The following DCLRE1C variants were observed in gnomAD, a reference collection of about 807,000 sequenced individuals.
DCLRE1C encodes protein artemis.
In DCLRE1C, 47 loss-of-function variants were observed where a neutral mutation model predicts 61.4. The ratio of observed to expected loss-of-function variants is 0.77; its 90% CI spans 0.61 to 0.98. The LOEUF (loss-of-function observed/expected upper bound fraction) is 0.98, where lower values mean the gene tolerates loss of function less well. DCLRE1C is among the 50% of genes least tolerant of loss of function. The pLI is 0.00. For missense variants in DCLRE1C, 858 were observed against 816.0 expected (o/e 1.05, Z -0.63); for synonymous variants, 337 against 287.6 (o/e 1.17, Z -1.74).
chr10:14,954,023 C>G lies in DCLRE1C; in HGVS notation c.-13G>C. On this transcript the variant is annotated 5_prime_UTR_variant, in exon 1 of 14. Coordinates refer to ENST00000378278, the MANE Select transcript of DCLRE1C (RefSeq NM_001033855.3). ...CGAAAGAACTCATAGCGCCGCCGAT[C>G]CCAGAGTCCGGGACCCCAAAACCGC... 6.2e-7 allele frequency: 1 copy of G among 1,613,888 alleles called. No individual in the cohort carries two copies. Among genetic ancestry groups the G allele is most frequent in the Non-Finnish European group, 8.5e-7 (1 of 1,179,894 alleles).
In DCLRE1C at chr10:14,936,567, T is replaced by C; in HGVS notation, c.333A>G (p.Leu111=). ...CTGATCCCGGACAGTGACCAGCTGG[T>C]AAGAGAGTCACAACAATCTCTTCCT... ...GEKEEIVVTL[L]PAGHCPGSVM... The change falls in exon 5 of 14, where the codon TTA becomes TTG. Residue 111 remains leucine (L), a synonymous_variant. Coordinates refer to ENST00000378278, the MANE Select transcript of DCLRE1C (RefSeq NM_001033855.3). The C allele has an allele frequency of 6.2e-7, 1 of 1,613,066 alleles. No individual in the cohort carries two copies. The highest frequency in any genetic ancestry group is 2.2e-5 in the East Asian group (1 of 44,868).
intron 8 of DCLRE1C, 96 bp downstream of exon 8, chr10:14,934,284 C>T (rs1242568875): frequency 1.2e-5 from 19 of 1,537,370 alleles, no homozygotes; most frequent in South Asian, 1.1e-4. Context: ...GCCGAGGTCG[C>T]GTCACTACAC....
At chr10:14,921,298 T>C (rs889184624) in intron 12 of DCLRE1C, among the ~76,000 whole-genome samples, 2 of 151,526 alleles carry the variant, frequency 1.3e-5, no homozygotes, top group African/African-American at 2.4e-5. Context: ...CCAACCTGGG[T>C]GACAGAGCGA....
In DCLRE1C at chr10:14,908,720, A is replaced by C. The variant is rs1197140206; in HGVS notation, c.1767T>G (p.Ser589=). 4 of 1,614,076 alleles carry C rather than the reference A, an allele frequency of 2.5e-6. No homozygotes were observed. The African/African-American group carries it at 5.3e-5, about 22-fold the overall frequency. The change falls in exon 14 of 14, where the codon TCT becomes TCG. Residue 589 remains serine (S), a synonymous_variant. Transcript: ENST00000378278. ...RPTIKENIPA[S]LMEQNVICPK... ...GGCAAATTACATTTTGTTCCATGAGAGAGGCAGGAATATTCTCTTTGATTG... is the reference window on the plus strand; with the variant it reads ...GGCAAATTACATTTTGTTCCATGAGCGAGGCAGGAATATTCTCTTTGATTG...
chr10:14,902,601 A>G (rs1486005310), downstream of DCLRE1C: 4 of 791,196 alleles, frequency 5.1e-6, no homozygotes, highest in Non-Finnish European at 7.7e-6. Context: ...TCTTATTATC[A>G]AGGTTCTACC....
chr10:14,947,966 A>G (rs1348494632), intron 2 of DCLRE1C, among the ~76,000 whole-genome samples: 1 of 152,158 alleles, frequency 6.6e-6, no homozygotes, highest in African/African-American at 2.4e-5. Flanking sequence ...GGCTGAGGCA[A>G]AAGAATCACT....
rs1675524122 is a variant in DCLRE1C at position 14,933,039 on chromosome 10, C to G, written c.679-84G>C. On this transcript the variant is annotated intron_variant, in intron 8 of 13. Coordinates refer to ENST00000378278, the MANE Select transcript of DCLRE1C (RefSeq NM_001033855.3). ...AAGGTTAATTACTCAGGGCAAAACA[C>G]CCAGTTAGTGAATTAACCCTCTCTT... is the stretch of plus-strand genomic sequence containing the variant. The G allele has an allele frequency of 2.1e-6, 3 of 1,447,976 alleles. No homozygotes were observed. The Admixed American group carries it at 5.2e-5, about 25-fold the overall frequency. 89.7% of individuals were successfully genotyped at this position (1,447,976 alleles called of 1,614,324 possible).
chr10:14,944,764 T>C (rs942732462), intron 3 of DCLRE1C, among the ~76,000 whole-genome samples: 1 of 150,238 alleles, frequency 6.7e-6, no homozygotes, highest in African/African-American at 2.4e-5. Context: ...AACCATTGCT[T>C]CCTGGGTTCA....
Position 14,922,977 on chromosome 10 carries a change from T to C in DCLRE1C, c.1061+4A>G, listed in dbSNP as rs766969985. ...ACCAAGTCCCACAACCAGTGACTAC[T>C]CACATTTCGACAACTTTATCCATAG... On this transcript the variant is annotated splice_donor_region_variant and intron_variant, in intron 12 of 13. Coordinates refer to ENST00000378278, the MANE Select transcript of DCLRE1C (RefSeq NM_001033855.3). 6.2e-7 allele frequency: 1 copy of C among 1,611,702 alleles called. No homozygotes were observed. Among genetic ancestry groups the C allele is most frequent in the South Asian group, 1.1e-5 (1 of 91,014 alleles).
chr10:14,899,278 C>CCA lies in DCLRE1C; in HGVS notation c.1189_1190dup (p.Trp397CysfsTer11). 2 of 702,264 alleles carry CCA rather than the reference C, an allele frequency of 2.8e-6. No homozygotes were observed. Among genetic ancestry groups the CCA allele is most frequent in the Non-Finnish European group, 5.2e-6 (2 of 385,080 alleles). 43.5% of individuals were successfully genotyped at this position (702,264 alleles called of 1,614,324 possible). On this transcript the variant is annotated frameshift_variant, in exon 14 of 14. Transcript: ENST00000378289. LOFTEE classifies it high-confidence loss of function. Reference sequence around the variant, plus strand: ...AAGGATACAGGGAGTCATGATGGCACCACCGCATTCTAGCCTGAGTGACAG... The same window carrying CCA: ...AAGGATACAGGGAGTCATGATGGCACCACACCGCATTCTAGCCTGAGTGACAG...
At chr10:14,911,729 CTT>C (rs1040047366) in intron 13 of DCLRE1C, among the ~76,000 whole-genome samples, 3 of 152,144 alleles carry the variant, frequency 2.0e-5, no homozygotes, top group African/African-American at 7.2e-5. Context: ...TGATACCAGA[CTT>C]TAACTCTTAC....
Position 14,936,542 on chromosome 10 carries a change from C to T in DCLRE1C, c.358G>A (p.Val120Ile). 6.2e-7 allele frequency: 1 copy of T among 1,612,258 alleles called. No individual in the cohort carries two copies. The highest frequency in any genetic ancestry group is 8.5e-7 in the Non-Finnish European group (1 of 1,178,432). ...LLPAGHCPGS[V>I]MFLFQGNNGT... Reference sequence around the variant, plus strand: ...CAAAATAAATGACCCCCTTACATAACTGATCCCGGACAGTGACCAGCTGGT... The same window carrying T: ...CAAAATAAATGACCCCCTTACATAATTGATCCCGGACAGTGACCAGCTGGT... Residue 120 changes from valine (V) to isoleucine (I), a missense_variant, in exon 5 of 14, where the codon GTT becomes ATT. Physicochemically the swap from Val to Ile is conservative, Grantham distance 29. This residue lies in a region of DCLRE1C where 843 missense variants were observed against 783.5 expected (regional missense o/e 1.08). Coordinates refer to ENST00000378278, the MANE Select transcript of DCLRE1C (RefSeq NM_001033855.3).
intron 3 of DCLRE1C, among the ~76,000 whole-genome samples, chr10:14,941,373 C>G (rs1179606985): frequency 5.6e-4 from 85 of 152,270 alleles, no homozygotes; most frequent in African/African-American, 2.0e-3. Context: ...TAACCTCAAA[C>G]TTCGGGGCTC....
chr10:14,898,867 TAA>T (rs1442320393), exon 14 of DCLRE1C: 1 of 214,190 alleles, frequency 4.7e-6, no homozygotes, highest in Non-Finnish European at 9.1e-6. Context: ...TGCATATATA[TAA>T]GTTATAGGAA....
rs1463885966 is a variant in DCLRE1C at position 14,905,127 on chromosome 10, A to G, written c.*3281T>C. 6.6e-6 allele frequency among the ~76,000 whole-genome samples: 1 copy of G among 152,276 alleles called. No individual in the cohort carries two copies. The highest frequency in any genetic ancestry group is 1.5e-5 in the Non-Finnish European group (1 of 68,052). ...GCAGAAAAATACTGATGTATTGACTACGTGCTAGCAAGATTAACCGAAGGT... is the reference window on the plus strand; with the variant it reads ...GCAGAAAAATACTGATGTATTGACTGCGTGCTAGCAAGATTAACCGAAGGT... On this transcript the variant is annotated 3_prime_UTR_variant, in exon 14 of 14. Transcript: ENST00000378278.
Position 14,908,377 on chromosome 10 carries a change from T to C in DCLRE1C, c.*31A>G, listed in dbSNP as rs372820260. ...TGTCATCTCTGTGCAGGTTTTTTAGTGGTTGCTCTAGGTTGAAACGCTTTG... is the reference window on the plus strand; with the variant it reads ...TGTCATCTCTGTGCAGGTTTTTTAGCGGTTGCTCTAGGTTGAAACGCTTTG... On this transcript the variant is annotated 3_prime_UTR_variant, in exon 14 of 14. Coordinates refer to ENST00000378278, the MANE Select transcript of DCLRE1C (RefSeq NM_001033855.3). 5 of 1,527,194 alleles carry C rather than the reference T, an allele frequency of 3.3e-6. No homozygotes were observed. Among genetic ancestry groups the C allele is most frequent in the Non-Finnish European group, 4.5e-6 (5 of 1,102,730 alleles). The allele number at this position is 1,527,194 out of a possible 1,614,324, so 94.6% of individuals were successfully genotyped here.
intron 4 of DCLRE1C, among the ~76,000 whole-genome samples, chr10:14,937,887 C>G (rs1589090043): frequency 8.3e-6 from 1 of 121,124 alleles, no homozygotes; most frequent in African/African-American, 3.2e-5. Flanking sequence ...GAGTAAGGCT[C>G]AGTCTCAAAA....
intron 8 of DCLRE1C, among the ~76,000 whole-genome samples, chr10:14,933,176 C>T (rs1205245931): frequency 6.6e-6 from 1 of 152,152 alleles, no homozygotes; most frequent in South Asian, 2.1e-4. Context: ...CGTCAGTGAA[C>T]AATTATGGAC....
At chr10:14,923,147 GA>G in intron 11 of DCLRE1C, 78 bp from the exon 12 acceptor site, 1 of 1,115,146 alleles carries the variant, frequency 9.0e-7, no homozygotes, top group Non-Finnish European at 1.4e-6. Context: ...GGAGGCTGGG[GA>G]AAGAGAAGCA....
Sources: gnomAD v4.1 joint callset for allele counts (sites outside exome capture counted in the v4.1 genomes callset) on GRCh38, gnomAD v4.1.1 for gene constraint, gnomAD v4.1.1 regional missense constraint, MANE v1.5 for transcripts, NCBI Gene and HGNC (gene_info 2026-07-23, HGNC 2026-07-21) for gene names.